CAMKMT: variants seen among roughly 807,000 people sequenced by gnomAD.
The protein encoded by CAMKMT is calmodulin-lysine N-methyltransferase.
In CAMKMT, 53 loss-of-function variants were observed where a neutral mutation model predicts 48.0. That is an observed-to-expected ratio of 1.10 (90% CI 0.89 to 1.39). CAMKMT has a LOEUF of 1.39. Among genes scored for constraint, CAMKMT ranks in the 40% most tolerant of loss-of-function variants. CAMKMT has a pLI of 0.00. For missense variants in CAMKMT, 428 were observed against 402.7 expected (o/e 1.06, Z -0.54); for synonymous variants, 165 against 152.3 (o/e 1.08, Z -0.61).
chr2:44,466,288 T>C (rs971642995), intron 3 of CAMKMT, among the ~76,000 whole-genome samples: 9 of 152,170 alleles, frequency 5.9e-5, no homozygotes, highest in Admixed American at 3.3e-4. Context: ...TCAAAAGCGG[T>C]CTTAACAAAT....
intron 3 of CAMKMT, among the ~76,000 whole-genome samples, chr2:44,460,716 C>CTTTTTT (rs1202949999): frequency 9.7e-5 from 10 of 103,230 alleles, no homozygotes; most frequent in Non-Finnish European, 1.8e-4. Context: ...GTGATAGATT[C>CTTTTTT]TTTTTTTTTT....
At chr2:44,501,594 G>T (rs1183795798) in intron 3 of CAMKMT, among the ~76,000 whole-genome samples, 2 of 152,264 alleles carry the variant, frequency 1.3e-5, no homozygotes, top group East Asian at 3.9e-4. Context: ...CCTGTTAAAT[G>T]AATTTGTATG....
chr2:44,696,068 G>A (rs778681043), intron 3 of CAMKMT, among the ~76,000 whole-genome samples: 4 of 151,560 alleles, frequency 2.6e-5, no homozygotes, highest in African/African-American at 4.9e-5. Context: ...TCAGCCTCCC[G>A]AATAACTGGA....
intron 9 of CAMKMT, among the ~76,000 whole-genome samples, chr2:44,762,922 A>T (rs1274389941): frequency 3.9e-5 from 6 of 152,266 alleles, no homozygotes; most frequent in African/African-American, 1.4e-4. Context: ...ATGCTTAGAA[A>T]GTTGTGCTTT....
intron 3 of CAMKMT, among the ~76,000 whole-genome samples, chr2:44,495,977 A>T (rs888775244): frequency 2.8e-4 from 43 of 152,242 alleles, no homozygotes; most frequent in African/African-American, 1.0e-3. Flanking sequence ...ACTCAAAGTA[A>T]AGAACAGTGA....
chr2:44,752,498 G>C (rs1000871060), intron 8 of CAMKMT, among the ~76,000 whole-genome samples: 1 of 152,060 alleles, frequency 6.6e-6, no homozygotes, highest in African/African-American at 2.4e-5. Context: ...GCATGCCTTC[G>C]GCACAATATG....
intron 3 of CAMKMT, among the ~76,000 whole-genome samples, chr2:44,658,733 AAG>A (rs1328548699): frequency 6.6e-6 from 1 of 152,156 alleles, no homozygotes; most frequent in Admixed American, 6.5e-5. Context: ...ACTCTTAATG[AAG>A]AGAGTCTTGT....
chr2:44,402,846 C>G (rs1418376140), intron 3 of CAMKMT, among the ~76,000 whole-genome samples: 1 of 116,632 alleles, frequency 8.6e-6, no homozygotes, highest in Non-Finnish European at 1.8e-5. Flanking sequence ...TTTCTCTTTT[C>G]TTAGCTTTTT....
intron 3 of CAMKMT, among the ~76,000 whole-genome samples, chr2:44,438,780 C>A (rs1249766760): frequency 6.6e-6 from 1 of 152,182 alleles, no homozygotes; most frequent in Non-Finnish European, 1.5e-5. Flanking sequence ...TCGCTGCAGC[C>A]TTTGCCTCCC....
chr2:44,689,506 G>A (rs1676523765), intron 3 of CAMKMT, among the ~76,000 whole-genome samples: 1 of 152,004 alleles, frequency 6.6e-6, no homozygotes. Context: ...GGACACTCAA[G>A]CACAGCAGGG....
intron 3 of CAMKMT, among the ~76,000 whole-genome samples, chr2:44,412,962 G>A (rs1285949319): frequency 2.6e-5 from 4 of 151,868 alleles, no homozygotes; most frequent in Admixed American, 1.3e-4. Flanking sequence ...TGTAAACCCA[G>A]CTATTAGGGG....
chr2:44,680,829 G>A (rs1334422515), intron 3 of CAMKMT, among the ~76,000 whole-genome samples: 1 of 152,076 alleles, frequency 6.6e-6, no homozygotes, highest in Non-Finnish European at 1.5e-5. Flanking sequence ...AAGAGGTAAG[G>A]GAGAGAGAAA....
intron 3 of CAMKMT, among the ~76,000 whole-genome samples, chr2:44,636,747 A>G (rs1049103336): frequency 7.2e-5 from 11 of 152,236 alleles, no homozygotes; most frequent in Admixed American, 3.9e-4. Flanking sequence ...AAGAGCAACA[A>G]TACATAAACT....
chr2:44,453,470 G>A (rs529509853), intron 3 of CAMKMT, among the ~76,000 whole-genome samples: 1 of 152,144 alleles, frequency 6.6e-6, no homozygotes, highest in East Asian at 1.9e-4. Context: ...TATGATACAG[G>A]TTCAGTGCTG....
At chr2:44,462,789 C>G (rs914897902) in intron 3 of CAMKMT, among the ~76,000 whole-genome samples, 7 of 152,128 alleles carry the variant, frequency 4.6e-5, no homozygotes, top group African/African-American at 1.7e-4. Context: ...AAAAATGCTT[C>G]TTAATTCTCT....
chr2:44,409,112 T>A (rs1682997877), intron 3 of CAMKMT, among the ~76,000 whole-genome samples: 1 of 3,910 alleles, frequency 2.6e-4, no homozygotes, highest in Non-Finnish European at 5.9e-4. Flanking sequence ...TATATATATA[T>A]ATATATATAT....
At chr2:44,431,172 A>AT (rs1684628094) in intron 3 of CAMKMT, among the ~76,000 whole-genome samples, 1 of 152,074 alleles carries the variant, frequency 6.6e-6, no homozygotes, top group African/African-American at 2.4e-5. Context: ...AAGTATATAT[A>AT]TTTTTTCTAC....
At chr2:44,420,445 T>A (rs987769425) in intron 3 of CAMKMT, among the ~76,000 whole-genome samples, 2 of 152,180 alleles carry the variant, frequency 1.3e-5, no homozygotes, top group Admixed American at 6.5e-5. Context: ...GACTCCTCCC[T>A]AATCAAAAAT....
chr2:44,411,919 T>A (rs1217453137), intron 3 of CAMKMT, among the ~76,000 whole-genome samples: 1 of 151,902 alleles, frequency 6.6e-6, no homozygotes, highest in African/African-American at 2.4e-5. Context: ...ATTAACATTA[T>A]TAAGAAACTT....
Sources: allele counts gnomAD v4.1 joint callset (sites outside exome capture counted in the v4.1 genomes callset), GRCh38; gene constraint gnomAD v4.1.1; transcripts MANE v1.5; gene names NCBI Gene and HGNC (gene_info 2026-07-23, HGNC 2026-07-21).